The following CLIC5 variants were observed in gnomAD, a reference collection of about 807,000 sequenced individuals.
The protein encoded by CLIC5 is CLIC family member 5, also known as chloride intracellular channel protein 5.
In CLIC5, 20 loss-of-function variants were observed where a neutral mutation model predicts 24.7. The observed-to-expected ratio is 0.81, with a 90% CI of 0.57 to 1.18. CLIC5 has a LOEUF of 1.18. CLIC5 is among the 50% of genes most tolerant of loss of function. The pLI is 0.00. For synonymous variants in CLIC5, 159 were observed against 135.6 expected (o/e 1.17, Z -1.20); for missense variants, 341 against 326.1 (o/e 1.05, Z -0.35).
At chr6:45,941,063 C>T (rs975471479) in intron 4 of CLIC5, among the ~76,000 whole-genome samples, 12 of 152,148 alleles carry the variant, frequency 7.9e-5, no homozygotes, top group Admixed American at 6.5e-4. Flanking sequence ...AAGGGGAGAA[C>T]ACAGCCCAGG....
At chr6:45,891,498 T>C (rs150648667) in intron 6 of CLIC5, among the ~76,000 whole-genome samples, 32 of 152,140 alleles carry the variant, frequency 2.1e-4, no homozygotes, top group African/African-American at 7.2e-4. Context: ...TAGCCGGGCA[T>C]GGTGGCACAT....
At chr6:45,945,237 T>C (rs1173805544) in intron 3 of CLIC5, among the ~76,000 whole-genome samples, 1 of 152,222 alleles carries the variant, frequency 6.6e-6, no homozygotes, top group African/African-American at 2.4e-5. Flanking sequence ...TTTTTTACAA[T>C]AGCCCTATAA....
chr6:45,924,534 ATG>A (rs779752259), intron 4 of CLIC5, among the ~76,000 whole-genome samples: 3 of 152,138 alleles, frequency 2.0e-5, no homozygotes, highest in Admixed American at 6.5e-5. Flanking sequence ...AGCAAATTAA[ATG>A]TGCAATTTTA....
chr6:46,066,302 C>T (rs1762441567), intron 1 of CLIC5, among the ~76,000 whole-genome samples: 1 of 152,098 alleles, frequency 6.6e-6, no homozygotes, highest in Non-Finnish European at 1.5e-5. Context: ...CTATTTTTTA[C>T]TCACTATATC....
At chr6:46,012,978 T>G (rs1766858806) in intron 1 of CLIC5, among the ~76,000 whole-genome samples, 1 of 152,256 alleles carries the variant, frequency 6.6e-6, no homozygotes, top group Non-Finnish European at 1.5e-5. Context: ...TCCTTCTTCT[T>G]ATCATTATCA....
At chr6:46,127,174 C>T in the CLIC5 span, among the ~76,000 whole-genome samples, 1 of 152,100 alleles carries the variant, frequency 6.6e-6, no homozygotes, top group Non-Finnish European at 1.5e-5. Context: ...TGTAACAATC[C>T]AGTCAGGGTA....
At chr6:46,041,799 G>A (rs6930769) in intron 1 of CLIC5, among the ~76,000 whole-genome samples, 11,907 of 152,226 alleles carry the variant, frequency 0.078, 566 homozygotes, top group Middle Eastern at 0.12. Flanking sequence ...AACTTGTTGG[G>A]TGGTTGCAAA....
intron 1 of CLIC5, among the ~76,000 whole-genome samples, chr6:46,037,994 G>T (rs988516393): frequency 6.6e-6 from 1 of 152,134 alleles, no homozygotes; most frequent in South Asian, 2.1e-4. Context: ...TAGGCCTTCA[G>T]ATAGAGCCTG....
chr6:46,102,929 C>T, the CLIC5 span, among the ~76,000 whole-genome samples: 7 of 152,222 alleles, frequency 4.6e-5, no homozygotes, highest in African/African-American at 1.7e-4. Flanking sequence ...ATATTGCTCT[C>T]CATTTCTCCC....
chr6:45,968,848 GC>G (rs1338195953), intron 1 of CLIC5, among the ~76,000 whole-genome samples: 13 of 152,170 alleles, frequency 8.5e-5, no homozygotes, highest in Admixed American at 7.2e-4. Flanking sequence ...TCCCTGGGTA[GC>G]CCTTTAAGCA....
intron 4 of CLIC5, among the ~76,000 whole-genome samples, chr6:45,927,024 G>A (rs1012036871): frequency 3.3e-5 from 5 of 152,108 alleles, no homozygotes; most frequent in African/African-American, 1.2e-4. Flanking sequence ...CTGCAACATG[G>A]GGACAGATTT....
At position 45,885,631 on chromosome 6, in the gene CLIC5, G is replaced by A. The variant is rs1012871905; in HGVS notation, c.624-4443C>T. Reference sequence around the variant, plus strand: ...GAGAAAAGATGGAAAGATGAGGAACGTCAATTCTCCGGACATCTTCTGAAT... The same window carrying A: ...GAGAAAAGATGGAAAGATGAGGAACATCAATTCTCCGGACATCTTCTGAAT... On this transcript the variant is annotated intron_variant, in intron 6 of 6. Transcript: ENST00000644324. Among the ~76,000 whole-genome samples, 6 of 152,200 alleles carry A rather than the reference G, an allele frequency of 3.9e-5. No homozygotes were observed. In the South Asian group the frequency reaches 6.2e-4, roughly 16 times the overall value.
chr6:46,077,005 C>T (rs980786428), intron 1 of CLIC5, among the ~76,000 whole-genome samples: 4 of 151,846 alleles, frequency 2.6e-5, no homozygotes, highest in East Asian at 3.9e-4. Flanking sequence ...GGCATGGTGG[C>T]GCATGCCTGT....
chr6:45,900,215 C>A lies in CLIC5; in HGVS notation c.*2873G>T, dbSNP rs1173196093. 6.6e-6 allele frequency: 1 copy of A among 152,116 alleles called. No individual in the cohort carries two copies. The highest frequency in any genetic ancestry group is 2.4e-5 in the African/African-American group (1 of 41,402). 9.4% of individuals were successfully genotyped at this position (152,116 alleles called of 1,614,324 possible). ...TCTCCCACTACCCTGCTTCCCCCAC[C>A]CCCAATAGTGCTGTGCAAGTCAAAG... On this transcript the variant is annotated 3_prime_UTR_variant, in exon 6 of 6. Coordinates refer to ENST00000339561, the MANE Select transcript of CLIC5 (RefSeq NM_016929.5).
At chr6:45,967,789 AAGAG>A (rs139746823) in intron 1 of CLIC5, among the ~76,000 whole-genome samples, 1 of 149,614 alleles carries the variant, frequency 6.7e-6, no homozygotes, top group African/African-American at 2.4e-5. Flanking sequence ...AAGCAGGGGC[AAGAG>A]AGAGAGAGAG....
At chr6:45,912,604 G>T in intron 5 of CLIC5, 2 of 1,458,250 alleles carry the variant, frequency 1.4e-6, no homozygotes, top group Non-Finnish European at 9.2e-7. Context: ...AAGATTAAAT[G>T]ATGTGCCTCA....
rs9463155 is a variant in CLIC5, at chr6:45,987,570, T to G, written c.63+27910A>C. ...CCTGCCATAACAAAATCCTGTAGATTGTGTGGCTTAAATAACAACAAAAGA... is the reference window on the plus strand; with the variant it reads ...CCTGCCATAACAAAATCCTGTAGATGGTGTGGCTTAAATAACAACAAAAGA... On this transcript the variant is annotated intron_variant, in intron 1 of 5. Transcript: ENST00000339561. Among the ~76,000 whole-genome samples the G allele has an allele frequency of 1.7e-3, 260 of 152,328 alleles. 1 individual carries two copies. Among genetic ancestry groups the G allele is most frequent in the African/African-American group, 5.9e-3 (244 of 41,564 alleles).
At chr6:45,913,424 G>A (rs143477214) in intron 5 of CLIC5, among the ~76,000 whole-genome samples, 37 of 152,276 alleles carry the variant, frequency 2.4e-4, no homozygotes, top group Non-Finnish European at 4.4e-4. Context: ...TGGATAGCAG[G>A]GAGGCATGCT....
chr6:46,005,046 G>A (rs1766500617), intron 1 of CLIC5, among the ~76,000 whole-genome samples: 1 of 152,234 alleles, frequency 6.6e-6, no homozygotes, highest in Non-Finnish European at 1.5e-5. Flanking sequence ...CACACTGGCA[G>A]CATTAGGAAG....
Sources: allele counts gnomAD v4.1 joint callset (sites outside exome capture counted in the v4.1 genomes callset), GRCh38; gene constraint gnomAD v4.1.1; transcripts MANE v1.5; gene names NCBI Gene and HGNC (gene_info 2026-07-23, HGNC 2026-07-21).